HECW1: variants seen among roughly 807,000 people sequenced by gnomAD.
HECW1 encodes HECT, C2 and WW domain containing E3 ubiquitin protein ligase 1, also known as E3 ubiquitin-protein ligase HECW1.
In HECW1, 61 loss-of-function variants were observed where a neutral mutation model predicts 182.3. The observed-to-expected ratio is 0.33, with a 90% CI of 0.27 to 0.41. HECW1 has a LOEUF of 0.41. Among genes scored for constraint, HECW1 ranks in the 10% least tolerant of loss-of-function variants. HECW1 has a pLI of 1.00. For synonymous variants in HECW1, 859 were observed against 832.6 expected, an observed-to-expected ratio of 1.03 and a Z score of -0.55; for missense variants, 1,739 against 2,108.9, an observed-to-expected ratio of 0.82 and a Z score of 3.44.
chr7:43,343,967 T>A (rs1238408805), intron 5 of HECW1, among the ~76,000 whole-genome samples: 1 of 151,830 alleles, frequency 6.6e-6, no homozygotes. Context: ...TGTGAGATGG[T>A]GTCTCATTGT....
intron 2 of HECW1, among the ~76,000 whole-genome samples, chr7:43,127,741 A>G (rs1348227804): frequency 6.6e-6 from 1 of 152,206 alleles, no homozygotes; most frequent in East Asian, 1.9e-4. Flanking sequence ...AAGTTGGTTC[A>G]TTAGGTTTAA....
chr7:43,436,397 AC>A (rs1201034904), intron 8 of HECW1, among the ~76,000 whole-genome samples: 1 of 152,084 alleles, frequency 6.6e-6, no homozygotes, highest in Non-Finnish European at 1.5e-5. Flanking sequence ...AGACCACCAA[AC>A]AGGCTTTGTC....
intron 8 of HECW1, among the ~76,000 whole-genome samples, chr7:43,416,915 G>A (rs978431189): frequency 3.9e-5 from 6 of 151,994 alleles, no homozygotes; most frequent in African/African-American, 1.5e-4. Context: ...CCACTGGCCT[G>A]CACCCACTGC....
intron 4 of HECW1, 82 bp downstream of exon 4, chr7:43,312,169 T>A: frequency 8.1e-7 from 1 of 1,228,650 alleles, no homozygotes; most frequent in Non-Finnish European, 1.1e-6. Context: ...ACAATATAAT[T>A]AAAATATACA....
At chr7:43,552,572 G>A (rs772249951) in intron 28 of HECW1, among the ~76,000 whole-genome samples, 3 of 152,028 alleles carry the variant, frequency 2.0e-5, no homozygotes, top group East Asian at 1.9e-4. Flanking sequence ...TCACTCTCAC[G>A]CCCCTTTCCC....
intron 21 of HECW1, among the ~76,000 whole-genome samples, chr7:43,506,324 C>G (rs1338443843): frequency 1.3e-5 from 2 of 152,106 alleles, no homozygotes; most frequent in Non-Finnish European, 2.9e-5. Flanking sequence ...AAAGTTTAGT[C>G]TAGTTCAGCT....
At chr7:43,507,069 C>A in intron 21 of HECW1, 68 bp from the exon 22 acceptor site, 3 of 1,557,566 alleles carry the variant, frequency 1.9e-6, no homozygotes, top group South Asian at 2.4e-5. Context: ...GACTCCTTCT[C>A]AAAAAAGAAA....
chr7:43,214,532 C>A (rs1796275758), intron 2 of HECW1, among the ~76,000 whole-genome samples: 1 of 152,146 alleles, frequency 6.6e-6, no homozygotes, highest in Non-Finnish European at 1.5e-5. Context: ...ATTTAGATGG[C>A]AACGCTACTT....
chr7:43,483,747 C>T (rs2078524562), intron 17 of HECW1, among the ~76,000 whole-genome samples: 1 of 152,002 alleles, frequency 6.6e-6, no homozygotes, highest in Non-Finnish European at 1.5e-5. Flanking sequence ...CGGGGTTTCA[C>T]CATGCTGGCC....
At chr7:43,409,728 G>T (rs116403192) in intron 8 of HECW1, among the ~76,000 whole-genome samples, 2,532 of 152,262 alleles carry the variant, frequency 0.017, 57 homozygotes, top group African/African-American at 0.058. Context: ...GAGGATAACT[G>T]ATGTCCCAAG....
rs2077013520 is a variant in HECW1 at position 43,445,245 on chromosome 7, C to G, written c.2073C>G (p.Ser691=). Residue 691 remains serine, a synonymous_variant, in exon 11 of 30, where the codon TCC becomes TCG. Transcript: ENST00000395891. ...ACAGCTCCTCGTGCTACAGCACGTC[C>G]TGCTACAGCAGCTCGTGCTACAGCG... ...SCYSSSCYST[S]CYSSSCYSAS... is the part of the protein sequence containing the mutation. 4 of 1,612,438 alleles carry G rather than the reference C, an allele frequency of 2.5e-6. No individual in the cohort carries two copies. The highest frequency in any genetic ancestry group is 2.2e-5 in the East Asian group (1 of 44,868).
At chr7:43,475,361 A>G (rs2078181382) in intron 16 of HECW1, among the ~76,000 whole-genome samples, 1 of 152,202 alleles carries the variant, frequency 6.6e-6, no homozygotes, top group African/African-American at 2.4e-5. Context: ...AGTAAAAGCA[A>G]TGTTCTAGAT....
chr7:43,520,702 G>C (rs2080428052), intron 24 of HECW1, among the ~76,000 whole-genome samples: 1 of 151,866 alleles, frequency 6.6e-6, no homozygotes. Flanking sequence ...CTGGAACCTT[G>C]TTCTCCAATC....
chr7:43,299,524 T>C (rs997205304), intron 3 of HECW1, among the ~76,000 whole-genome samples: 1 of 152,144 alleles, frequency 6.6e-6, no homozygotes, highest in Non-Finnish European at 1.5e-5. Flanking sequence ...TCCTGCATAA[T>C]TGAGAAAAAG....
At chr7:43,479,822 A>G in intron 17 of HECW1, 78 bp downstream of exon 17, 1 of 1,547,724 alleles carries the variant, frequency 6.5e-7, no homozygotes, top group South Asian at 1.1e-5. Context: ...ACAGTTCTTC[A>G]GTGGCTAGGA....
At chr7:43,160,936 C>A (rs1790462410) in intron 2 of HECW1, among the ~76,000 whole-genome samples, 1 of 151,874 alleles carries the variant, frequency 6.6e-6, no homozygotes, top group Non-Finnish European at 1.5e-5. Flanking sequence ...ATTCAATTTA[C>A]TTTCCTTATT....
At chr7:43,319,601 CTTTTTTTTTT>C (rs796502195) in intron 4 of HECW1, among the ~76,000 whole-genome samples, 27 of 47,456 alleles carry the variant, frequency 5.7e-4, no homozygotes, top group African/African-American at 3.4e-3. Context: ...CTTTTCTTTT[CTTTTTTTTTT>C]TTTTTTTTTT....
intron 2 of HECW1, among the ~76,000 whole-genome samples, chr7:43,170,118 C>T (rs1007213800): frequency 5.9e-5 from 9 of 152,168 alleles, no homozygotes; most frequent in South Asian, 4.1e-4. Flanking sequence ...AGCTCTGCCT[C>T]CTGTCAGATC....
chr7:43,384,270 G>T (rs1041533877), intron 6 of HECW1, among the ~76,000 whole-genome samples: 3 of 152,216 alleles, frequency 2.0e-5, no homozygotes, highest in Non-Finnish European at 4.4e-5. Context: ...AAATGCAGAA[G>T]AAGGTAGGTG....
Sources: allele counts gnomAD v4.1 joint callset (sites outside exome capture counted in the v4.1 genomes callset), GRCh38; gene constraint gnomAD v4.1.1; transcripts MANE v1.5; gene names NCBI Gene and HGNC (gene_info 2026-07-23, HGNC 2026-07-21).